ACSL6: variants seen among roughly 807,000 people sequenced by gnomAD.
ACSL6 encodes the protein long-chain-fatty-acid--CoA ligase 6.
A neutral mutation model predicts 98.2 loss-of-function variants in ACSL6; 47 were observed. The ratio of observed to expected loss-of-function variants is 0.48; its 90% CI spans 0.38 to 0.61. ACSL6 has a LOEUF of 0.61. ACSL6 is among the 20% of genes least tolerant of loss of function. The pLI is 0.00. For missense variants in ACSL6, 761 were observed against 913.4 expected, an observed-to-expected ratio of 0.83 and a Z score of 2.15; for synonymous variants, 362 against 336.9, an observed-to-expected ratio of 1.07 and a Z score of -0.82.
intron 7 of ACSL6, among the ~76,000 whole-genome samples, chr5:131,987,389 A>C (rs1476155173): frequency 6.6e-6 from 1 of 152,160 alleles, no homozygotes; most frequent in Admixed American, 6.5e-5. Flanking sequence ...GGGGGCTGCC[A>C]GTGTAGGTCA....
chr5:131,962,584 A>T lies in ACSL6; in HGVS notation c.1808T>A (p.Ile603Asn). 1 of 1,614,102 alleles carries T rather than the reference A, an allele frequency of 6.2e-7. No homozygotes were observed. Among genetic ancestry groups the T allele is most frequent in the Non-Finnish European group, 8.5e-7 (1 of 1,179,988 alleles). Residue 603 changes from isoleucine (I) to asparagine (N), a missense_variant, in exon 18 of 21, where the codon ATC becomes AAC. Physicochemically the swap from Ile to Asn is moderately radical, Grantham distance 149. Transcript: ENST00000651883. ...GATTTGCGCCACAGGTTGGCTCCGGATGTAGATGTTCTCAATCTTCTCGGG... is the reference window on the plus strand; with the variant it reads ...GATTTGCGCCACAGGTTGGCTCCGGTTGTAGATGTTCTCAATCTTCTCGGG... ...VAPEKIENIY[I>N]RSQPVAQIYV... is the part of the protein sequence containing the mutation.
chr5:131,967,923 G>T lies in ACSL6; in HGVS notation c.1596+17C>A. On this transcript the variant is annotated intron_variant, in intron 16 of 20. Coordinates refer to ENST00000651883, the MANE Select transcript of ACSL6 (RefSeq NM_001009185.3). Reference sequence around the variant, plus strand: ...CATGTAGCAGCCACAGGCATGAATGGCTAAATCCTTGTTTACCTCTCCCTC... The same window carrying T: ...CATGTAGCAGCCACAGGCATGAATGTCTAAATCCTTGTTTACCTCTCCCTC... 5 of 1,610,680 alleles carry T rather than the reference G, an allele frequency of 3.1e-6. No individual in the cohort carries two copies. Among genetic ancestry groups the T allele is most frequent in the Non-Finnish European group, 4.2e-6 (5 of 1,177,206 alleles).
At chr5:131,977,190 C>T (rs932449973) in intron 9 of ACSL6, among the ~76,000 whole-genome samples, 1 of 152,242 alleles carries the variant, frequency 6.6e-6, no homozygotes, top group African/African-American at 2.4e-5. Flanking sequence ...GCCCCAGGCT[C>T]AGGCCAGGCT....
chr5:131,959,339 T>G (rs1337599569), intron 20 of ACSL6, among the ~76,000 whole-genome samples, 197 bp downstream of exon 20: 7 of 152,306 alleles, frequency 4.6e-5, no homozygotes, highest in Non-Finnish European at 7.3e-5. Context: ...TAAGGATGGG[T>G]GCAATCTCTT....
At chr5:131,955,787 A>T (rs1401779321) in intron 20 of ACSL6, among the ~76,000 whole-genome samples, 1 of 152,278 alleles carries the variant, frequency 6.6e-6, no homozygotes, top group African/African-American at 2.4e-5. Flanking sequence ...TAAAGAAAAC[A>T]TTAACACAAT....
intron 1 of ACSL6, among the ~76,000 whole-genome samples, chr5:132,007,506 A>G (rs905952070): frequency 6.6e-6 from 1 of 152,154 alleles, no homozygotes; most frequent in African/African-American, 2.4e-5. Context: ...CCCTTCCTGG[A>G]CTGAAAGTCT....
intron 1 of ACSL6, among the ~76,000 whole-genome samples, chr5:132,010,547 A>G (rs1483978407): frequency 1.3e-5 from 2 of 152,124 alleles, no homozygotes; most frequent in Admixed American, 6.5e-5. Flanking sequence ...CTTTATTACC[A>G]CTTCTGATGG....
intron 5 of ACSL6, 78 bp from the exon 6 acceptor site, chr5:131,988,982 G>A (rs1019886307): frequency 3.0e-6 from 4 of 1,313,450 alleles, no homozygotes; most frequent in Non-Finnish European, 4.4e-6. Flanking sequence ...TAGGTAACCA[G>A]CGTCCCTGCT....
chr5:131,989,258 C>T, intron 5 of ACSL6, 149 bp downstream of exon 5: 1 of 769,106 alleles, frequency 1.3e-6, no homozygotes, highest in Non-Finnish European at 2.1e-6. Flanking sequence ...GGGGCAGAGC[C>T]AGGGTGGGAA....
chr5:131,998,153 T>C (rs1174027183), intron 1 of ACSL6, among the ~76,000 whole-genome samples: 1 of 152,108 alleles, frequency 6.6e-6, no homozygotes, highest in Non-Finnish European at 1.5e-5. Flanking sequence ...CAAGAGACTC[T>C]CTTGGCTGCA....
chr5:131,977,887 A>G (rs950377661), intron 9 of ACSL6, among the ~76,000 whole-genome samples: 1 of 151,102 alleles, frequency 6.6e-6, no homozygotes, highest in African/African-American at 2.5e-5. Context: ...AGAGAGAGAG[A>G]GAGAGAACTT....
At chr5:131,970,052 T>A in intron 15 of ACSL6, 76 bp downstream of exon 15, 1 of 1,332,190 alleles carries the variant, frequency 7.5e-7, no homozygotes, top group Non-Finnish European at 1.1e-6. Context: ...TTACTTTCCA[T>A]GAGGGAGTTT....
At chr5:131,967,916 A>G (rs762814899) in intron 16 of ACSL6, 24 bp downstream of exon 16, 12 of 1,602,398 alleles carry the variant, frequency 7.5e-6, no homozygotes, top group Non-Finnish European at 1.0e-5. Context: ...AGCCACAGGC[A>G]TGAATGGCTA....
At chr5:131,998,419 T>C (rs988207411) in intron 1 of ACSL6, among the ~76,000 whole-genome samples, 4 of 152,308 alleles carry the variant, frequency 2.6e-5, no homozygotes, top group Non-Finnish European at 4.4e-5. Context: ...AAACTGGAAC[T>C]TCCTCCCACC....
chr5:131,952,649 G>T lies in ACSL6; in HGVS notation c.*1585C>A, dbSNP rs1752210836. The T allele has an allele frequency of 4.7e-6, 1 of 213,480 alleles. No individual in the cohort carries two copies. The highest frequency in any genetic ancestry group is 5.9e-5 in the Admixed American group (1 of 17,014). 13.2% of individuals were successfully genotyped at this position (213,480 alleles called of 1,614,324 possible). A position where few individuals can be genotyped will look rare whatever the true frequency, so the allele number is the denominator to read the frequency against. ...GCCTTTTTCAGAGGCACAATCTATA[G>T]CTTGGAACTTAATTGCTGTCCATGG... On this transcript the variant is annotated 3_prime_UTR_variant, in exon 21 of 21. Transcript: ENST00000651883.
At chr5:131,966,084 C>G (rs1752996181) in intron 17 of ACSL6, among the ~76,000 whole-genome samples, 1 of 152,218 alleles carries the variant, frequency 6.6e-6, no homozygotes, top group South Asian at 2.1e-4. Flanking sequence ...CTCAGACGTC[C>G]TAGAGACATG....
intron 20 of ACSL6, among the ~76,000 whole-genome samples, chr5:131,955,813 C>T (rs1400670645): frequency 6.6e-6 from 1 of 152,114 alleles, no homozygotes; most frequent in East Asian, 1.9e-4. Context: ...TAAAATTTAA[C>T]CTTAGTTACA....
chr5:132,003,032 T>G (rs1755175984), intron 1 of ACSL6, among the ~76,000 whole-genome samples: 1 of 152,194 alleles, frequency 6.6e-6, no homozygotes. Flanking sequence ...CCGGCATGGC[T>G]CCTTCACCTA....
At chr5:131,990,988 A>G (rs1461693671) in intron 2 of ACSL6, 21 bp from the exon 3 acceptor site, 1 of 1,612,450 alleles carries the variant, frequency 6.2e-7, no homozygotes, top group East Asian at 2.2e-5. Flanking sequence ...AGCACCGGCC[A>G]GAGAAGTTGG....
Sources: gnomAD v4.1 joint callset for allele counts (sites outside exome capture counted in the v4.1 genomes callset) on GRCh38, gnomAD v4.1.1 for gene constraint, MANE v1.5 for transcripts, NCBI Gene and HGNC (gene_info 2026-07-23, HGNC 2026-07-21) for gene names.